Variants in IMPDH1 observed in about 807,000 individuals in gnomAD.
IMPDH1 encodes the protein inosine-5'-monophosphate dehydrogenase 1.
Under a neutral mutation model 73.5 loss-of-function variants are expected in IMPDH1, and 41 were observed. That is an observed-to-expected ratio of 0.56 (90% CI 0.43 to 0.72). IMPDH1 has a LOEUF of 0.72. Among genes scored for constraint, IMPDH1 ranks in the 30% least tolerant of loss-of-function variants. The pLI is 0.00. For missense variants in IMPDH1, 645 were observed against 824.8 expected (o/e 0.78, Z 2.67); for synonymous variants, 318 against 334.3 (o/e 0.95, Z 0.53).
At position 128,394,437 on chromosome 7, in the gene IMPDH1, C is replaced by G. The variant is rs199922377; in HGVS notation, c.1694+19G>C. The stretch of plus-strand genomic sequence containing the variant: ...GCGAGAGAAAGGAAGCAGGAGCCAC[C>G]CCCAGTCTCAGCACTCACCGAAGGA... On this transcript the variant is annotated intron_variant, in intron 15 of 16. Coordinates refer to ENST00000338791, the MANE Select transcript of IMPDH1 (RefSeq NM_000883.4). This position sits in a 1 kb window ranked among gnomAD's most constrained non-coding sequence, Gnocchi z 5.5. The G allele has an allele frequency of 6.2e-6, 10 of 1,613,998 alleles. No homozygotes were observed. In the Admixed American group the frequency reaches 1.3e-4, roughly 22 times the overall value.
intron 16 of IMPDH1, among the ~76,000 whole-genome samples, chr7:128,393,301 G>A (rs116679650): frequency 0.013 from 2,007 of 152,332 alleles, 48 homozygotes; most frequent in African/African-American, 0.046. Context: ...TCAGTGCCCA[G>A]GGTGGAGGGA....
At chr7:128,408,571 C>A (rs945253995) in intron 3 of IMPDH1, among the ~76,000 whole-genome samples, 1 of 4,340 alleles carries the variant, frequency 2.3e-4, no homozygotes, top group African/African-American at 8.6e-4. Context: ...GTGGGGGGTG[C>A]GGGTCGGTTG....
In IMPDH1 at chr7:128,409,856, C is replaced by T; in HGVS notation, c.46G>A (p.Ala16Thr). Residue 16 changes from alanine (A) to threonine (T), a missense_variant, in exon 1 of 17, where the codon GCC (alanine) becomes ACC (threonine). This residue lies in a region of IMPDH1 where 186 missense variants were observed against 186.6 expected (regional missense o/e 1.00). Coordinates refer to ENST00000338791, the MANE Select transcript of IMPDH1 (RefSeq NM_000883.4). ...CGGGCTCCGGGCTCCGGAACAGCGG[C>T]GGCTCCGCCTCCCTGCAGCGGTGGT... ...TPPPLQGGGA[A>T]AVPEPGARQH... The T allele has an allele frequency of 6.7e-7, 1 of 1,490,378 alleles. No individual in the cohort carries two copies. The highest frequency in any genetic ancestry group is 8.9e-7 in the Non-Finnish European group (1 of 1,126,852). 92.3% of individuals were successfully genotyped at this position (1,490,378 alleles called of 1,614,324 possible).
At position 128,396,857 on chromosome 7, in the gene IMPDH1, G is replaced by A; in HGVS notation, c.1165+75C>T. ...TGCCAGGAGCCATACCATCACCTAG[G>A]GATGCTGAAGGACAGAAAAGGGTTA... On this transcript the variant is annotated intron_variant, in intron 11 of 16. Transcript: ENST00000338791. This position sits in a 1 kb window ranked among gnomAD's most constrained non-coding sequence, Gnocchi z 4.0. The A allele has an allele frequency of 1.6e-6, 2 of 1,234,008 alleles. No homozygotes were observed. Among genetic ancestry groups the A allele is most frequent in the Non-Finnish European group, 2.4e-6 (2 of 836,594 alleles). The allele number at this position is 1,234,008 out of a possible 1,614,324, so 76.4% of individuals were successfully genotyped here.
chr7:128,401,971 A>G (rs1371109989), intron 5 of IMPDH1, among the ~76,000 whole-genome samples: 1 of 152,174 alleles, frequency 6.6e-6, no homozygotes, highest in Non-Finnish European at 1.5e-5. Context: ...GAAACCCATC[A>G]CTAACCCTAG....
In IMPDH1 at chr7:128,396,461, G is replaced by C. The variant is rs1470415772; in HGVS notation, c.1261+139C>G. On this transcript the variant is annotated intron_variant, in intron 12 of 16. Coordinates refer to ENST00000338791, the MANE Select transcript of IMPDH1 (RefSeq NM_000883.4). This position sits in a 1 kb window ranked among gnomAD's most constrained non-coding sequence, Gnocchi z 4.0. ...TTCCCCTAAGTCAGTGGGCCCGATG[G>C]GGTGGGGCCCATGCCTGGGTCACCC... 2.7e-6 allele frequency: 2 copies of C among 739,332 alleles called. No individual in the cohort carries two copies. Among genetic ancestry groups the C allele is most frequent in the Non-Finnish European group, 2.4e-6 (1 of 414,418 alleles). The allele number at this position is 739,332 out of a possible 1,614,324, so 45.8% of individuals were successfully genotyped here.
chr7:128,395,424 G>A, intron 12 of IMPDH1, 150 bp from the exon 13 acceptor site: 1 of 907,140 alleles, frequency 1.1e-6, no homozygotes, highest in South Asian at 1.5e-5. Flanking sequence ...TAACATAGGT[G>A]CTGGCAAATA....
At chr7:128,395,075 C>CA in intron 13 of IMPDH1, 42 bp from the exon 14 acceptor site, 1 of 1,613,190 alleles carries the variant, frequency 6.2e-7, no homozygotes, top group African/African-American at 1.3e-5. Flanking sequence ...CCACTAGTGC[C>CA]ACCCCCCCAG....
Position 128,396,892 on chromosome 7 carries a change from G to A in IMPDH1, c.1165+40C>T. On this transcript the variant is annotated intron_variant, in intron 11 of 16. Coordinates refer to ENST00000338791, the MANE Select transcript of IMPDH1 (RefSeq NM_000883.4). This position sits in a 1 kb window ranked among gnomAD's most constrained non-coding sequence, Gnocchi z 4.0. ...GGACAGAAAAGGGTTACTCATTGGA[G>A]GGGCAGGAGCAGGCGGGTGGGAGGC... 2 of 1,429,950 alleles carry A rather than the reference G, an allele frequency of 1.4e-6. No homozygotes were observed. The highest frequency in any genetic ancestry group is 9.9e-7 in the Non-Finnish European group (1 of 1,012,440). The allele number at this position is 1,429,950 out of a possible 1,614,324, so 88.6% of individuals were successfully genotyped here.
chr7:128,396,407 G>C lies in IMPDH1; in HGVS notation c.1261+193C>G, dbSNP rs552670284. Reference sequence around the variant, plus strand: ...TTGACCGCACTCTGAGAAGCAGGCTGCAGCTCTTGCACCCTGCTTACACCT... The same window carrying C: ...TTGACCGCACTCTGAGAAGCAGGCTCCAGCTCTTGCACCCTGCTTACACCT... On this transcript the variant is annotated intron_variant, in intron 12 of 16. Transcript: ENST00000338791. The surrounding 1 kb of genome is among the most constrained non-coding windows in gnomAD (Gnocchi z 4.0). Among the ~76,000 whole-genome samples, 13 of 152,234 alleles carry C rather than the reference G, an allele frequency of 8.5e-5. No individual in the cohort carries two copies. The highest frequency in any genetic ancestry group is 1.3e-4 in the Admixed American group (2 of 15,288).
chr7:128,394,613 G>A lies in IMPDH1; in HGVS notation c.1551-14C>T. 1 of 1,612,870 alleles carries A rather than the reference G, an allele frequency of 6.2e-7. No individual in the cohort carries two copies. The highest frequency in any genetic ancestry group is 8.5e-7 in the Non-Finnish European group (1 of 1,179,898). ...TTATCCCCCTCGCTGCGTGGAGGGTGGAAGACTGAGCCCAGCAGCTTGAAG... is the reference window on the plus strand; with the variant it reads ...TTATCCCCCTCGCTGCGTGGAGGGTAGAAGACTGAGCCCAGCAGCTTGAAG... On this transcript the variant is annotated splice_polypyrimidine_tract_variant and intron_variant, in intron 14 of 16. Coordinates refer to ENST00000338791, the MANE Select transcript of IMPDH1 (RefSeq NM_000883.4). The surrounding 1 kb of genome is among the most constrained non-coding windows in gnomAD (Gnocchi z 5.5).
Position 128,396,286 on chromosome 7 carries a change from C to T in IMPDH1, c.1261+314G>A, listed in dbSNP as rs1478924622. The stretch of plus-strand genomic sequence containing the variant: ...CATGTCGTCTCTGTGTCTTAAATAT[C>T]TGCCTTGTCACAAATCAAATCCAAA... On this transcript the variant is annotated intron_variant, in intron 12 of 16. Transcript: ENST00000338791. This position sits in a 1 kb window ranked among gnomAD's most constrained non-coding sequence, Gnocchi z 4.0. Among the ~76,000 whole-genome samples the T allele has an allele frequency of 1.3e-5, 2 of 152,234 alleles. No homozygotes were observed. The highest frequency in any genetic ancestry group is 2.9e-5 in the Non-Finnish European group (2 of 68,038).
At chr7:128,399,862 A>T (rs114056555) in intron 9 of IMPDH1, among the ~76,000 whole-genome samples, 1 of 152,190 alleles carries the variant, frequency 6.6e-6, no homozygotes, top group African/African-American at 2.4e-5. Flanking sequence ...TCTGATGAGC[A>T]TCGCATAGGA....
intron 16 of IMPDH1, 103 bp from the exon 17 acceptor site, chr7:128,393,131 G>C: frequency 7.7e-7 from 1 of 1,301,332 alleles, no homozygotes. Context: ...AGAACAGAGA[G>C]CTGAGAAGCC....
intron 10 of IMPDH1, among the ~76,000 whole-genome samples, chr7:128,397,926 C>G (rs924993876): frequency 6.6e-6 from 1 of 152,122 alleles, no homozygotes; most frequent in African/African-American, 2.4e-5. Context: ...CTATTATTTC[C>G]ATCTTTATGA....
rs1216224838 is a variant in IMPDH1 at position 128,403,646 on chromosome 7, A to C, written c.402+60T>G. The C allele has an allele frequency of 5.5e-6, 8 of 1,467,834 alleles. No individual in the cohort carries two copies. In the African/African-American group the frequency reaches 8.3e-5, roughly 15 times the overall value. 90.9% of individuals were successfully genotyped at this position (1,467,834 alleles called of 1,614,324 possible). A position where few individuals can be genotyped will look rare whatever the true frequency, so the allele number is the denominator to read the frequency against. On this transcript the variant is annotated intron_variant, in intron 5 of 16. Coordinates refer to ENST00000338791, the MANE Select transcript of IMPDH1 (RefSeq NM_000883.4). Reference sequence around the variant, plus strand: ...CTCCATGCCCTGCCCCTGAGCAAGAAGTCAGCCTCTTCCACCACATACACA... The same window carrying C: ...CTCCATGCCCTGCCCCTGAGCAAGACGTCAGCCTCTTCCACCACATACACA...
rs920907872 is a variant in IMPDH1 at position 128,398,039 on chromosome 7, G to C, written c.1074+375C>G. On this transcript the variant is annotated intron_variant, in intron 10 of 16. Transcript: ENST00000338791. The surrounding 1 kb of genome is among the most constrained non-coding windows in gnomAD (Gnocchi z 4.3). ...ACTAAGGATAATGGCTTCTAGCTCT[G>C]TCCATGTTGCTGCAAAGGACAGGAT... Among the ~76,000 whole-genome samples, 1 of 152,202 alleles carries C rather than the reference G, an allele frequency of 6.6e-6. No individual in the cohort carries two copies. The highest frequency in any genetic ancestry group is 2.4e-5 in the African/African-American group (1 of 41,436).
At position 128,396,858 on chromosome 7, in the gene IMPDH1, G is replaced by T; in HGVS notation, c.1165+74C>A. 1.6e-6 allele frequency: 2 copies of T among 1,239,168 alleles called. No homozygotes were observed. The highest frequency in any genetic ancestry group is 2.4e-6 in the Non-Finnish European group (2 of 840,996). 76.8% of individuals were successfully genotyped at this position (1,239,168 alleles called of 1,614,324 possible). A position where few individuals can be genotyped will look rare whatever the true frequency, so the allele number is the denominator to read the frequency against. On this transcript the variant is annotated intron_variant, in intron 11 of 16. Transcript: ENST00000338791. This position sits in a 1 kb window ranked among gnomAD's most constrained non-coding sequence, Gnocchi z 4.0. ...GCCAGGAGCCATACCATCACCTAGG[G>T]ATGCTGAAGGACAGAAAAGGGTTAC...
In IMPDH1 at chr7:128,392,929, C is replaced by T; in HGVS notation, c.*78G>A. 7.1e-7 allele frequency: 1 copy of T among 1,415,918 alleles called. No individual in the cohort carries two copies. The highest frequency in any genetic ancestry group is 1.4e-5 in the African/African-American group (1 of 71,146). The allele number at this position is 1,415,918 out of a possible 1,614,324, so 87.7% of individuals were successfully genotyped here. A position where few individuals can be genotyped will look rare whatever the true frequency, so the allele number is the denominator to read the frequency against. ...CCGTAGTGCAAATCTGTGGACCACT[C>T]AGTTATGGAGGGAGGCTGTGCCCAA... On this transcript the variant is annotated 3_prime_UTR_variant, in exon 17 of 17. Transcript: ENST00000338791.
Sources: allele counts gnomAD v4.1 joint callset (sites outside exome capture counted in the v4.1 genomes callset), GRCh38; gene constraint gnomAD v4.1.1; regional missense constraint gnomAD v4.1.1; non-coding constraint Gnocchi (gnomAD v3.1); transcripts MANE v1.5; gene names NCBI Gene and HGNC (gene_info 2026-07-23, HGNC 2026-07-21).